The following KCNQ5 variants were observed in gnomAD, a reference collection of about 807,000 sequenced individuals.
KCNQ5 encodes potassium voltage-gated channel subfamily Q member 5.
A neutral mutation model predicts 98.2 loss-of-function variants in KCNQ5; 30 were observed. The observed-to-expected ratio is 0.31, with a 90% confidence interval of 0.23 to 0.41. The LOEUF (loss-of-function observed/expected upper bound fraction) is 0.41, where lower values mean the gene tolerates loss of function less well. Among genes scored for constraint, KCNQ5 ranks in the 10% least tolerant of loss-of-function variants. KCNQ5 has a pLI of 1.00. For missense variants in KCNQ5, 835 were observed against 1,182.5 expected (o/e 0.71, Z 4.31); for synonymous variants, 458 against 449.4 (o/e 1.02, Z -0.24).
intron 1 of KCNQ5, among the ~76,000 whole-genome samples, chr6:72,691,666 A>G (rs961878886): frequency 1.1e-4 from 17 of 152,170 alleles, no homozygotes; most frequent in Non-Finnish European, 2.5e-4. Flanking sequence ...TACTATAATC[A>G]CTTTTTTGGT....
At chr6:72,841,366 T>TACTGCTGTAATTATGGACTTGTTCC (rs1776783161) in intron 1 of KCNQ5, among the ~76,000 whole-genome samples, 1 of 152,208 alleles carries the variant, frequency 6.6e-6, no homozygotes, top group African/African-American at 2.4e-5. Flanking sequence ...CAACTTGTTT[T>TACTGCTGTAATTATGGACTTGTTCC]ACTGCTGTAA....
At chr6:72,634,146 T>TG (rs1328703163) in intron 1 of KCNQ5, among the ~76,000 whole-genome samples, 1 of 152,190 alleles carries the variant, frequency 6.6e-6, no homozygotes, top group Non-Finnish European at 1.5e-5. Flanking sequence ...AAAACTACTT[T>TG]GGGGTCTAGT....
At chr6:72,867,967 C>CTAATAA (rs1452723485) in intron 1 of KCNQ5, among the ~76,000 whole-genome samples, 166 of 150,010 alleles carry the variant, frequency 1.1e-3, no homozygotes, top group African/African-American at 3.8e-3. Flanking sequence ...ACTACTACTA[C>CTAATAA]TACTAATAAT....
At chr6:73,000,344 A>G (rs767836826) in intron 1 of KCNQ5, among the ~76,000 whole-genome samples, 3 of 152,168 alleles carry the variant, frequency 2.0e-5, no homozygotes, top group Non-Finnish European at 4.4e-5. Flanking sequence ...ATTGTTCTCC[A>G]TGATGTCATT....
intron 11 of KCNQ5, among the ~76,000 whole-genome samples, chr6:73,185,883 A>G (rs1003185446): frequency 3.3e-5 from 5 of 152,224 alleles, no homozygotes; most frequent in African/African-American, 7.2e-5. Context: ...TCTTTTAACG[A>G]AAGTATAATG....
intron 1 of KCNQ5, among the ~76,000 whole-genome samples, chr6:72,974,983 C>T (rs188642679): frequency 4.6e-5 from 7 of 152,186 alleles, no homozygotes; most frequent in Admixed American, 2.0e-4. Flanking sequence ...GCAATCTACT[C>T]GCCTCGGCCT....
At chr6:72,813,739 C>G (rs746512178) in intron 1 of KCNQ5, among the ~76,000 whole-genome samples, 1 of 152,174 alleles carries the variant, frequency 6.6e-6, no homozygotes, top group Non-Finnish European at 1.5e-5. Context: ...CTCTCATATA[C>G]TTTAAATCAT....
At chr6:73,044,329 A>T (rs1320063612) in intron 3 of KCNQ5, among the ~76,000 whole-genome samples, 1 of 152,154 alleles carries the variant, frequency 6.6e-6, no homozygotes, top group East Asian at 1.9e-4. Flanking sequence ...AGTTTTGTTA[A>T]CCCTTCAGAC....
At chr6:72,652,976 A>G (rs549075914) in intron 1 of KCNQ5, among the ~76,000 whole-genome samples, 2 of 152,240 alleles carry the variant, frequency 1.3e-5, no homozygotes, top group South Asian at 2.1e-4. Context: ...GCATTCTGTG[A>G]TGAATTCCCT....
chr6:72,709,109 T>TGCTG (rs1353945984), intron 1 of KCNQ5, among the ~76,000 whole-genome samples: 1 of 152,192 alleles, frequency 6.6e-6, no homozygotes, highest in Non-Finnish European at 1.5e-5. Flanking sequence ...CCCACAAAGG[T>TGCTG]GCTGGGATTA....
At chr6:72,755,735 G>A (rs73753900) in intron 1 of KCNQ5, among the ~76,000 whole-genome samples, 16,626 of 152,062 alleles carry the variant, frequency 0.11, 2,898 homozygotes, top group African/African-American at 0.37. Context: ...TATCTTTAAA[G>A]GTGATTAAAA....
chr6:73,076,847 A>C (rs1460093331), intron 3 of KCNQ5, among the ~76,000 whole-genome samples: 1 of 152,160 alleles, frequency 6.6e-6, no homozygotes, highest in Non-Finnish European at 1.5e-5. Context: ...AGAAATGATT[A>C]TATCTCACAG....
At chr6:73,008,163 T>A (rs1769901155) in intron 2 of KCNQ5, among the ~76,000 whole-genome samples, 1 of 149,430 alleles carries the variant, frequency 6.7e-6, no homozygotes, top group Admixed American at 6.6e-5. Flanking sequence ...AAAAATGAAC[T>A]AAACACAAAA....
At chr6:73,114,005 CT>C (rs1325087148) in intron 7 of KCNQ5, among the ~76,000 whole-genome samples, 1 of 152,072 alleles carries the variant, frequency 6.6e-6, no homozygotes, top group Non-Finnish European at 1.5e-5. Context: ...CTTTTAAAAT[CT>C]AATCATAGTT....
chr6:72,950,456 CT>C (rs1286772035), intron 1 of KCNQ5, among the ~76,000 whole-genome samples: 1 of 152,228 alleles, frequency 6.6e-6, no homozygotes, highest in Non-Finnish European at 1.5e-5. Context: ...AAAATCCTCA[CT>C]GATTATCGCC....
At chr6:73,004,817 T>C (rs1769743930) in intron 2 of KCNQ5, among the ~76,000 whole-genome samples, 1 of 152,208 alleles carries the variant, frequency 6.6e-6, no homozygotes, top group Non-Finnish European at 1.5e-5. Context: ...CAGCTCACTG[T>C]TTCTGTAAAG....
chr6:72,859,579 CT>C (rs749719396), intron 1 of KCNQ5, among the ~76,000 whole-genome samples: 34 of 149,524 alleles, frequency 2.3e-4, no homozygotes, highest in Admixed American at 2.2e-3. Flanking sequence ...TTATTCCAGA[CT>C]TTTTTTTTCT....
chr6:72,966,761 G>A (rs145162825), intron 1 of KCNQ5, among the ~76,000 whole-genome samples: 1 of 152,266 alleles, frequency 6.6e-6, no homozygotes, highest in African/African-American at 2.4e-5. Flanking sequence ...TTGTGAGATA[G>A]GGCCAAATGC....
chr6:73,174,454 C>T (rs954916353), intron 11 of KCNQ5, among the ~76,000 whole-genome samples: 3 of 152,186 alleles, frequency 2.0e-5, no homozygotes, highest in Non-Finnish European at 2.9e-5. Context: ...TTACTATCTC[C>T]GTGCAATAAT....
Sources: allele counts gnomAD v4.1 joint callset (sites outside exome capture counted in the v4.1 genomes callset), GRCh38; gene constraint gnomAD v4.1.1; transcripts MANE v1.5; gene names NCBI Gene and HGNC (gene_info 2026-07-23, HGNC 2026-07-21).